The following NNT variants were observed in gnomAD, a reference collection of about 807,000 sequenced individuals.
The protein encoded by NNT is NAD(P) transhydrogenase, mitochondrial.
In NNT, 50 loss-of-function variants were observed where a neutral mutation model predicts 104.8. That is an observed-to-expected ratio of 0.48 (90% CI 0.38 to 0.60). NNT has a LOEUF of 0.60. NNT is among the 20% of genes least tolerant of loss of function. The pLI is 0.00. For synonymous variants in NNT, 461 were observed against 490.4 expected (o/e 0.94, Z 0.79); for missense variants, 1,131 against 1,330.7 (o/e 0.85, Z 2.33).
chr5:43,631,018 A>T (rs1750646836), intron 7 of NNT, among the ~76,000 whole-genome samples: 1 of 152,204 alleles, frequency 6.6e-6, no homozygotes, highest in Non-Finnish European at 1.5e-5. Flanking sequence ...CAAAGAATTG[A>T]TTGGCATCAG....
At chr5:43,621,936 G>A (rs1204602010) in intron 5 of NNT, among the ~76,000 whole-genome samples, 1 of 152,206 alleles carries the variant, frequency 6.6e-6, no homozygotes, top group African/African-American at 2.4e-5. Flanking sequence ...AAGATGAAGA[G>A]TGATCTGAGA....
At chr5:43,700,338 C>A in intron 20 of NNT, 101 bp downstream of exon 20, 1 of 740,652 alleles carries the variant, frequency 1.4e-6, no homozygotes, top group South Asian at 2.1e-5. Flanking sequence ...ACTGACTAGT[C>A]AGATGAAAAA....
rs1739336964 is a variant in NNT, at chr5:43,645,462, A to G, written c.1396A>G (p.Ile466Val). ...GCTGGAAGCTGAAAAAGCAGCTACC[A>G]TTACACCCTTCAGGAAGACAATGTC... ...AELEAEKAAT[I>V]TPFRKTMSTA... The change falls in exon 10 of 22, where the codon ATT becomes GTT. Residue 466 changes from isoleucine to valine, a missense_variant. Transcript: ENST00000344920. 5 of 1,575,136 alleles carry G rather than the reference A, an allele frequency of 3.2e-6. No individual in the cohort carries two copies. The highest frequency in any genetic ancestry group is 1.8e-5 in the Admixed American group (1 of 56,188).
At chr5:43,628,689 C>T (rs750304581) in intron 7 of NNT, among the ~76,000 whole-genome samples, 7 of 151,992 alleles carry the variant, frequency 4.6e-5, no homozygotes, top group African/African-American at 7.3e-5. Context: ...TGGGTTCAGG[C>T]GATTCTTCTG....
chr5:43,603,478 G>T (rs1207444293), intron 1 of NNT, among the ~76,000 whole-genome samples, 184 bp downstream of exon 1: 1 of 152,186 alleles, frequency 6.6e-6, no homozygotes, highest in Non-Finnish European at 1.5e-5. Flanking sequence ...TCCGCAGGCC[G>T]CAGGCTTAGG....
At chr5:43,614,057 G>A (rs762624051) in intron 3 of NNT, among the ~76,000 whole-genome samples, 11 of 152,160 alleles carry the variant, frequency 7.2e-5, no homozygotes, top group Non-Finnish European at 1.2e-4. Flanking sequence ...AAAGGTTTAA[G>A]TTTACAAATA....
intron 1 of NNT, among the ~76,000 whole-genome samples, chr5:43,607,927 G>A (rs1443250702): frequency 1.5e-5 from 2 of 130,630 alleles, no homozygotes; most frequent in African/African-American, 3.4e-5. Context: ...GTCCTTGGCT[G>A]CTTTCTATTC....
At chr5:43,667,073 G>C in intron 17 of NNT, 2 of 1,593,188 alleles carry the variant, frequency 1.3e-6, no homozygotes, top group Non-Finnish European at 1.7e-6. Context: ...ATCTTCTTTA[G>C]GCCCTTCTTG....
chr5:43,650,657 A>G, intron 12 of NNT, 70 bp downstream of exon 12: 1 of 1,159,520 alleles, frequency 8.6e-7, no homozygotes, highest in South Asian at 1.4e-5. Flanking sequence ...AAATCCATAT[A>G]AAATAGACAT....
chr5:43,652,603 A>G (rs1739823276), intron 13 of NNT, among the ~76,000 whole-genome samples: 1 of 150,248 alleles, frequency 6.7e-6, no homozygotes, highest in Admixed American at 6.6e-5. Flanking sequence ...TTTCCAATTT[A>G]TTGATCATTT....
intron 17 of NNT, among the ~76,000 whole-genome samples, chr5:43,660,621 C>T (rs1483633780): frequency 6.6e-6 from 1 of 152,168 alleles, no homozygotes. Flanking sequence ...TGACTCACAG[C>T]TCCACAGGCT....
chr5:43,687,079 G>C (rs1194707410), intron 19 of NNT, among the ~76,000 whole-genome samples: 1 of 152,114 alleles, frequency 6.6e-6, no homozygotes, highest in Non-Finnish European at 1.5e-5. Flanking sequence ...TGGAGTCCTT[G>C]CAATAGAGTG....
At chr5:43,623,936 T>C (rs1406178206) in intron 5 of NNT, 96 bp from the exon 6 acceptor site, 1 of 1,129,820 alleles carries the variant, frequency 8.9e-7, no homozygotes, top group Non-Finnish European at 1.4e-6. Context: ...CATTTATTGA[T>C]GCTAAACTTA....
chr5:43,663,098 TTTAA>T (rs1205318745), intron 17 of NNT, among the ~76,000 whole-genome samples: 1 of 152,154 alleles, frequency 6.6e-6, no homozygotes, highest in Non-Finnish European at 1.5e-5. Flanking sequence ...TTAATTAAGG[TTTAA>T]TTAATGTTTA....
At chr5:43,616,708 G>T (rs1184731805) in intron 4 of NNT, among the ~76,000 whole-genome samples, 8 of 152,054 alleles carry the variant, frequency 5.3e-5, no homozygotes, top group Non-Finnish European at 8.8e-5. Context: ...GGCCCATTCT[G>T]CTTGGAGGAA....
In NNT at chr5:43,705,801, G is replaced by T. The variant is rs919782806; in HGVS notation, c.*1397G>T. The T allele has an allele frequency of 6.6e-6, 1 of 151,180 alleles. No homozygotes were observed. The highest frequency in any genetic ancestry group is 1.5e-5 in the Non-Finnish European group (1 of 67,822). 9.4% of individuals were successfully genotyped at this position (151,180 alleles called of 1,614,324 possible). On this transcript the variant is annotated 3_prime_UTR_variant, in exon 22 of 22. Coordinates refer to ENST00000344920, the MANE Select transcript of NNT (RefSeq NM_182977.3). ...TGTGTGTGTGTGTGTGCGTTTGTGT[G>T]TTAAAGCAGAAAAGACTTTTTTAAA...
rs1739319953 is a variant in NNT, at chr5:43,645,232, G to T, written c.1291-125G>T. On this transcript the variant is annotated intron_variant, in intron 9 of 21. Transcript: ENST00000344920. Reference sequence around the variant, plus strand: ...TGTAAAATGATGTTACAAATTATATGAATTTATATATTTACATAAAATTAT... The same window carrying T: ...TGTAAAATGATGTTACAAATTATATTAATTTATATATTTACATAAAATTAT... The T allele has an allele frequency of 1.3e-5, 6 of 465,854 alleles. No homozygotes were observed. In the Admixed American group the frequency reaches 1.8e-4, roughly 14 times the overall value. 28.9% of individuals were successfully genotyped at this position (465,854 alleles called of 1,614,324 possible).
intron 19 of NNT, among the ~76,000 whole-genome samples, chr5:43,679,364 T>A (rs1363056896): frequency 6.6e-6 from 1 of 152,196 alleles, no homozygotes; most frequent in Non-Finnish European, 1.5e-5. Context: ...GAAAAATGCC[T>A]TTCATGTCTT....
At position 43,623,492 on chromosome 5, in the gene NNT, G is replaced by T. The variant is rs138388158; in HGVS notation, c.688-540G>T. Among the ~76,000 whole-genome samples the T allele has an allele frequency of 2.7e-3, 417 of 152,224 alleles. 2 individuals are homozygous for T. The highest frequency in any genetic ancestry group is 9.8e-3 in the African/African-American group (409 of 41,524). On this transcript the variant is annotated intron_variant, in intron 5 of 21. Coordinates refer to ENST00000344920, the MANE Select transcript of NNT (RefSeq NM_182977.3). The stretch of plus-strand genomic sequence containing the variant: ...AGACTTACGGAGAGTTGCTCAAAAT[G>T]GTTCAGAATTGTGGTTGCTCATCAG...
Sources: allele counts gnomAD v4.1 joint callset (sites outside exome capture counted in the v4.1 genomes callset), GRCh38; gene constraint gnomAD v4.1.1; transcripts MANE v1.5; gene names NCBI Gene and HGNC (gene_info 2026-07-23, HGNC 2026-07-21).